THRB: variants seen among roughly 807,000 people sequenced by gnomAD.
THRB encodes the protein nuclear receptor subfamily 1 group A member 2.
Under a neutral mutation model 47.8 loss-of-function variants are expected in THRB, and 12 were observed. That is an observed-to-expected ratio of 0.25 (90% confidence interval 0.16 to 0.41). THRB has a LOEUF of 0.41. THRB is among the 10% of genes least tolerant of loss of function. THRB has a pLI of 1.00. For synonymous variants in THRB, 218 were observed against 212.2 expected, an observed-to-expected ratio of 1.03 and a Z score of -0.24; for missense variants, 348 against 589.2, an observed-to-expected ratio of 0.59 and a Z score of 4.24.
chr3:24,357,037 G>A (rs186578190), intron 1 of THRB, among the ~76,000 whole-genome samples: 24 of 151,300 alleles, frequency 1.6e-4, no homozygotes, highest in African/African-American at 1.9e-4. Context: ...CATGATTCTC[G>A]GTGACCTATG....
Position 24,209,755 on chromosome 3 carries a change from G to C in THRB, c.22+19183C>G, listed in dbSNP as rs117222295. Among the ~76,000 whole-genome samples, 435 of 152,158 alleles carry C rather than the reference G, an allele frequency of 2.9e-3. 14 individuals are homozygous for C. In the East Asian group the frequency reaches 0.059, roughly 21 times the overall value. ...CGTGTTAATGGGTGCAGCACACCAA[G>C]ATGGCACATGTATACAAAATTAACA... On this transcript the variant is annotated intron_variant, in intron 4 of 10. Transcript: ENST00000646209.
intron 4 of THRB, among the ~76,000 whole-genome samples, chr3:24,206,485 G>A (rs1227404348): frequency 6.6e-6 from 1 of 152,058 alleles, no homozygotes; most frequent in Non-Finnish European, 1.5e-5. Flanking sequence ...CAGAATCTCT[G>A]GGACACATTT....
intron 3 of THRB, among the ~76,000 whole-genome samples, chr3:24,292,168 T>G (rs1012794713): frequency 1.3e-5 from 2 of 152,212 alleles, no homozygotes; most frequent in African/African-American, 4.8e-5. Context: ...GTTTGTACTA[T>G]GTCTGCAATA....
intron 3 of THRB, among the ~76,000 whole-genome samples, chr3:24,257,563 G>T (rs2051427765): frequency 6.6e-6 from 1 of 152,164 alleles, no homozygotes; most frequent in South Asian, 2.1e-4. Context: ...AATTTTATCT[G>T]AACAGAGCTA....
At chr3:24,205,567 C>T (rs575673654) in intron 4 of THRB, among the ~76,000 whole-genome samples, 269 of 152,292 alleles carry the variant, frequency 1.8e-3, no homozygotes, top group African/African-American at 5.3e-3. Flanking sequence ...TAAAGACCAT[C>T]GATGCTAGAA....
chr3:24,327,832 G>A (rs1375115840), intron 2 of THRB, among the ~76,000 whole-genome samples: 1 of 152,156 alleles, frequency 6.6e-6, no homozygotes, highest in African/African-American at 2.4e-5. Context: ...AGGCATATTG[G>A]TGGGACATCT....
intron 1 of THRB, among the ~76,000 whole-genome samples, chr3:24,460,217 C>T (rs1239523780): frequency 3.3e-5 from 5 of 152,104 alleles, no homozygotes; most frequent in Non-Finnish European, 7.4e-5. Flanking sequence ...CTTATCTATC[C>T]GAGATGTATC....
chr3:24,165,023 C>T, intron 5 of THRB: 1 of 740,542 alleles, frequency 1.4e-6, no homozygotes. Flanking sequence ...AAAATGGTCC[C>T]TACCTTTTTT....
At chr3:24,207,329 G>A (rs1336277159) in intron 4 of THRB, among the ~76,000 whole-genome samples, 1 of 152,186 alleles carries the variant, frequency 6.6e-6, no homozygotes, top group Non-Finnish European at 1.5e-5. Context: ...TGGGATGCAA[G>A]GCTGGTTCAA....
chr3:24,133,623 G>GGT (rs1456898452), intron 8 of THRB, among the ~76,000 whole-genome samples, 161 bp from the exon 9 acceptor site: 2 of 152,050 alleles, frequency 1.3e-5, no homozygotes, highest in African/African-American at 4.8e-5. Flanking sequence ...ACATCTTTGA[G>GGT]TAAAGATATA....
chr3:24,448,838 G>A (rs1186831788), intron 1 of THRB, among the ~76,000 whole-genome samples: 2 of 152,168 alleles, frequency 1.3e-5, no homozygotes, highest in Non-Finnish European at 2.9e-5. Context: ...GCTTTGGAGA[G>A]TAAGAACACA....
chr3:24,335,671 CA>C (rs1253261622), intron 2 of THRB, among the ~76,000 whole-genome samples: 1 of 152,164 alleles, frequency 6.6e-6, no homozygotes, highest in Non-Finnish European at 1.5e-5. Flanking sequence ...CTCTTCTCCC[CA>C]AGGTAATCAC....
intron 1 of THRB, among the ~76,000 whole-genome samples, chr3:24,450,050 A>G (rs539082787): frequency 6.6e-6 from 1 of 152,232 alleles, no homozygotes; most frequent in African/African-American, 2.4e-5. Flanking sequence ...GGAAGTAAAC[A>G]GAGGGAAGAA....
chr3:24,189,928 A>G, intron 5 of THRB, 146 bp downstream of exon 5: 1 of 755,652 alleles, frequency 1.3e-6, no homozygotes, highest in Non-Finnish European at 2.2e-6. Flanking sequence ...ATATTTGAAG[A>G]AAAGGACGCC....
At position 24,349,269 on chromosome 3, in the gene THRB, T is replaced by C. The variant is rs550983651; in HGVS notation, c.-260-11898A>G. ...AATATTGTAAAATGTCAATTCTCCC[T>C]AAATTAGTATATAGATTCAATATAC... On this transcript the variant is annotated intron_variant, in intron 1 of 10. Coordinates refer to ENST00000646209, the MANE Select transcript of THRB (RefSeq NM_001354712.2). Among the ~76,000 whole-genome samples the C allele has an allele frequency of 2.6e-5, 4 of 152,190 alleles. No individual in the cohort carries two copies. The South Asian group carries it at 6.2e-4, about 24-fold the overall frequency.
intron 4 of THRB, among the ~76,000 whole-genome samples, chr3:24,206,276 A>G (rs562387694): frequency 5.6e-4 from 86 of 152,356 alleles, no homozygotes; most frequent in African/African-American, 1.9e-3. Flanking sequence ...GCAAATGTAA[A>G]AGAACAGAAA....
intron 3 of THRB, among the ~76,000 whole-genome samples, chr3:24,277,697 G>C (rs1037188258): frequency 8.5e-5 from 13 of 152,178 alleles, no homozygotes; most frequent in African/African-American, 3.1e-4. Flanking sequence ...TATTCAGTGA[G>C]TTCTAGAAAT....
At chr3:24,376,297 C>T (rs1020741584) in intron 1 of THRB, among the ~76,000 whole-genome samples, 1 of 152,158 alleles carries the variant, frequency 6.6e-6, no homozygotes, top group African/African-American at 2.4e-5. Context: ...TTTACCTTGG[C>T]TTTTTGCCTT....
intron 4 of THRB, among the ~76,000 whole-genome samples, chr3:24,193,584 A>T (rs914539745): frequency 6.6e-6 from 1 of 152,224 alleles, no homozygotes; most frequent in Admixed American, 6.5e-5. Context: ...CTTAAAAGTC[A>T]GGTGTTAATT....
Sources: allele counts gnomAD v4.1 joint callset (sites outside exome capture counted in the v4.1 genomes callset), GRCh38; gene constraint gnomAD v4.1.1; transcripts MANE v1.5; gene names NCBI Gene and HGNC (gene_info 2026-07-23, HGNC 2026-07-21).